SLC39A8: variants seen among roughly 807,000 people sequenced by gnomAD.
SLC39A8 encodes the protein metal cation symporter ZIP8.
In SLC39A8, 15 loss-of-function variants were observed where a neutral mutation model predicts 40.4. The observed-to-expected ratio is 0.37, with a 90% CI of 0.25 to 0.57. The LOEUF (loss-of-function observed/expected upper bound fraction) is 0.57. Ranked by LOEUF, SLC39A8 falls within the 20% of genes least tolerant of loss-of-function variation. SLC39A8 has a pLI of 0.75. For synonymous variants in SLC39A8, 223 were observed against 221.6 expected (o/e 1.01, Z -0.06); for missense variants, 472 against 558.8 (o/e 0.84, Z 1.57).
chr4:102,324,857 C>A (rs2149047285), intron 2 of SLC39A8, among the ~76,000 whole-genome samples: 1 of 152,248 alleles, frequency 6.6e-6, no homozygotes, highest in South Asian at 2.1e-4. Flanking sequence ...ACTTCTGACC[C>A]TTGAAACAAG....
At chr4:102,281,789 C>T (rs1732889419) in intron 6 of SLC39A8, among the ~76,000 whole-genome samples, 1 of 152,158 alleles carries the variant, frequency 6.6e-6, no homozygotes, top group African/African-American at 2.4e-5. Context: ...AGGAGCCACA[C>T]AAGATAAGGG....
At chr4:102,286,523 C>T (rs1417739323) in intron 6 of SLC39A8, among the ~76,000 whole-genome samples, 1 of 150,496 alleles carries the variant, frequency 6.6e-6, no homozygotes, top group Non-Finnish European at 1.5e-5. Flanking sequence ...CACTAACAAA[C>T]TGGGCTCTCC....
At chr4:102,317,888 C>T (rs969693692) in intron 2 of SLC39A8, among the ~76,000 whole-genome samples, 2 of 152,154 alleles carry the variant, frequency 1.3e-5, no homozygotes, top group African/African-American at 4.8e-5. Context: ...GTAACCCATT[C>T]CTGAATCAGG....
At chr4:102,320,088 C>G (rs952184419) in intron 2 of SLC39A8, among the ~76,000 whole-genome samples, 14 of 149,060 alleles carry the variant, frequency 9.4e-5, no homozygotes, top group African/African-American at 3.2e-4. Context: ...CAATCTGTAG[C>G]CTGCAGACAG....
intron 2 of SLC39A8, among the ~76,000 whole-genome samples, chr4:102,326,717 T>C (rs1227023813): frequency 1.3e-5 from 2 of 152,190 alleles, no homozygotes; most frequent in African/African-American, 2.4e-5. Flanking sequence ...CAATAATTTT[T>C]AAGAGTACAA....
chr4:102,285,917 A>G (rs762522496), intron 6 of SLC39A8, among the ~76,000 whole-genome samples: 5 of 152,170 alleles, frequency 3.3e-5, no homozygotes, highest in Non-Finnish European at 7.4e-5. Context: ...CAAATCTTTC[A>G]TCATGCAATC....
At chr4:102,331,642 C>A (rs1186005692) in intron 2 of SLC39A8, among the ~76,000 whole-genome samples, 1 of 152,162 alleles carries the variant, frequency 6.6e-6, no homozygotes, top group Non-Finnish European at 1.5e-5. Flanking sequence ...CATTTACTTT[C>A]TTCACAGAAT....
chr4:102,323,500 T>A (rs1735052075), intron 2 of SLC39A8, among the ~76,000 whole-genome samples: 1 of 152,160 alleles, frequency 6.6e-6, no homozygotes, highest in South Asian at 2.1e-4. Flanking sequence ...CACAAAAAAA[T>A]TAATGGAGAG....
intron 6 of SLC39A8, among the ~76,000 whole-genome samples, chr4:102,280,806 C>T (rs942262591): frequency 4.6e-5 from 7 of 152,122 alleles, no homozygotes; most frequent in East Asian, 3.8e-4. Context: ...CTAGAAACCT[C>T]GCAAGTTGTT....
chr4:102,288,783 G>T (rs1258627815), intron 6 of SLC39A8, among the ~76,000 whole-genome samples: 1 of 152,102 alleles, frequency 6.6e-6, no homozygotes, highest in East Asian at 1.9e-4. Flanking sequence ...TCAATTCTAT[G>T]AAGGCTGAGA....
At chr4:102,256,040 A>G (rs541613982) in intron 11 of SLC39A8, among the ~76,000 whole-genome samples, 12 of 152,314 alleles carry the variant, frequency 7.9e-5, no homozygotes, top group African/African-American at 2.9e-4. Context: ...AAAGATCCAT[A>G]TGAAGCACCT....
At chr4:102,339,446 G>A (rs1378601845) in intron 2 of SLC39A8, among the ~76,000 whole-genome samples, 1 of 151,914 alleles carries the variant, frequency 6.6e-6, no homozygotes, top group African/African-American at 2.4e-5. Context: ...ATGACAACAG[G>A]CAATGCAAAA....
At position 102,262,765 on chromosome 4, in the gene SLC39A8, T is replaced by TC; in HGVS notation, c.*278dup. On this transcript the variant is annotated 3_prime_UTR_variant, in exon 9 of 9. Coordinates refer to ENST00000356736, the MANE Select transcript of SLC39A8 (RefSeq NM_001135146.2). Reference sequence around the variant, plus strand: ...GATTATAGAATGCATGTCTCTTGCTTCATGGTGATATCTAATATGCATGGA... The same window carrying TC: ...GATTATAGAATGCATGTCTCTTGCTTCCATGGTGATATCTAATATGCATGGA... 1 of 1,120,576 alleles carries TC rather than the reference T, an allele frequency of 8.9e-7. No homozygotes were observed. The highest frequency in any genetic ancestry group is 4.6e-5 in the Admixed American group (1 of 21,520). 69.4% of individuals were successfully genotyped at this position (1,120,576 alleles called of 1,614,324 possible).
intron 2 of SLC39A8, among the ~76,000 whole-genome samples, chr4:102,343,469 A>C (rs2149059434): frequency 6.6e-6 from 1 of 152,348 alleles, no homozygotes; most frequent in East Asian, 1.9e-4. Flanking sequence ...CAAAAATGAC[A>C]AACGATATGG....
chr4:102,277,231 T>A (rs191809182), intron 6 of SLC39A8, among the ~76,000 whole-genome samples: 1 of 152,206 alleles, frequency 6.6e-6, no homozygotes, highest in Non-Finnish European at 1.5e-5. Context: ...ATTATATATT[T>A]AGAAAACCCC....
chr4:102,315,632 T>G, intron 3 of SLC39A8, 36 bp downstream of exon 3: 1 of 1,566,320 alleles, frequency 6.4e-7, no homozygotes, highest in Non-Finnish European at 8.6e-7. Flanking sequence ...GTTCATAGAC[T>G]TTTCAAATAA....
chr4:102,269,127 A>G (rs1170230604), intron 6 of SLC39A8, among the ~76,000 whole-genome samples: 1 of 152,104 alleles, frequency 6.6e-6, no homozygotes, highest in African/African-American at 2.4e-5. Context: ...GTGTATTTAC[A>G]TTGGAGAAAC....
At chr4:102,303,557 G>C (rs532403575) in intron 6 of SLC39A8, among the ~76,000 whole-genome samples, 1 of 152,028 alleles carries the variant, frequency 6.6e-6, no homozygotes, top group African/African-American at 2.4e-5. Context: ...TGAAAGAAAA[G>C]AATGATACTA....
At chr4:102,263,332 G>C (rs2149001634) in intron 8 of SLC39A8, 139 bp from the exon 9 acceptor site, 1 of 680,060 alleles carries the variant, frequency 1.5e-6, no homozygotes, top group East Asian at 2.5e-5. Flanking sequence ...AATAAAGCAA[G>C]TTACATGAAT....
Sources: gnomAD v4.1 joint callset for allele counts (sites outside exome capture counted in the v4.1 genomes callset) on GRCh38, gnomAD v4.1.1 for gene constraint, MANE v1.5 for transcripts, NCBI Gene and HGNC (gene_info 2026-07-23, HGNC 2026-07-21) for gene names.